RC3H1: variants seen among roughly 807,000 people sequenced by gnomAD.
The protein encoded by RC3H1 is ring finger and CCCH-type domains 1.
RC3H1 carries 50 observed loss-of-function variants against 138.2 expected under a neutral mutation model. The ratio of observed to expected loss-of-function variants is 0.36; its 90% CI spans 0.29 to 0.46. The LOEUF is 0.46. Among genes scored for constraint, RC3H1 ranks in the 20% least tolerant of loss-of-function variants. The pLI, the probability that RC3H1 is intolerant of heterozygous loss-of-function variation, is 1.00. For missense variants in RC3H1, 1,031 were observed against 1,388.1 expected, an observed-to-expected ratio of 0.74 and a Z score of 4.09; for synonymous variants, 462 against 489.1, an observed-to-expected ratio of 0.94 and a Z score of 0.73.
chr1:173,982,689 T>C (rs1660873241), intron 5 of RC3H1, 38 bp downstream of exon 5: 2 of 1,507,212 alleles, frequency 1.3e-6, no homozygotes, highest in South Asian at 2.6e-5. Flanking sequence ...GAAAGAACAA[T>C]ATTTCCTTTC....
chr1:173,951,255 G>A (rs1659382571), intron 14 of RC3H1, among the ~76,000 whole-genome samples: 1 of 152,124 alleles, frequency 6.6e-6, no homozygotes, highest in African/African-American at 2.4e-5. Context: ...AACCTGGGAA[G>A]TGGAGGTTGT....
Position 173,992,805 on chromosome 1 carries a change from T to C in RC3H1, c.181A>G (p.Ile61Val). The change falls in exon 2 of 20, where the codon ATT (isoleucine) becomes GTT (valine). Residue 61 changes from isoleucine to valine, a missense_variant. Transcript: ENST00000367696. Reference protein sequence around the residue: ...PFDQTTINTDIELLPVNSALL... With the variant: ...PFDQTTINTDVELLPVNSALL... ...GCTGAGTTCACAGGGAGGAGCTCAA[T>C]GTCTGTATTGATAGTGGTCTGGTCA... 3 of 1,614,176 alleles carry C rather than the reference T, an allele frequency of 1.9e-6. No individual in the cohort carries two copies. Among genetic ancestry groups the C allele is most frequent in the South Asian group, 1.1e-5 (1 of 91,082 alleles).
intron 4 of RC3H1, chr1:173,983,128 A>C: frequency 2.1e-6 from 1 of 477,804 alleles, no homozygotes. Context: ...TTTAAGAAAA[A>C]CTTCTATCAA....
At chr1:173,942,428 C>CA (rs60694243) in intron 18 of RC3H1, among the ~76,000 whole-genome samples, 3,873 of 37,976 alleles carry the variant, frequency 0.1, 481 homozygotes, top group East Asian at 0.17. Flanking sequence ...GACTCAGTCT[C>CA]AAAAAAAAAA....
At position 173,938,645 on chromosome 1, in the gene RC3H1, G is replaced by A; in HGVS notation, c.*76C>T. 8.9e-7 allele frequency: 1 copy of A among 1,121,468 alleles called. No individual in the cohort carries two copies. 69.5% of individuals were successfully genotyped at this position (1,121,468 alleles called of 1,614,324 possible). A position where few individuals can be genotyped will look rare whatever the true frequency, so the allele number is the denominator to read the frequency against. On this transcript the variant is annotated 3_prime_UTR_variant, in exon 20 of 20. Coordinates refer to ENST00000367696, the MANE Select transcript of RC3H1 (RefSeq NM_172071.4). ...GACCGCTCTTAAGAGAAAAAGTTTA[G>A]AAGTTATGCGTTCTCCTACCCCTAT...
chr1:173,983,739 G>A, intron 3 of RC3H1, 82 bp from the exon 4 acceptor site: 1 of 1,435,692 alleles, frequency 7.0e-7, no homozygotes, highest in Non-Finnish European at 9.6e-7. Flanking sequence ...GGGTTAACTT[G>A]TGGGTATGTG....
chr1:173,940,617 T>A (rs1239344290), intron 19 of RC3H1, among the ~76,000 whole-genome samples: 1 of 150,102 alleles, frequency 6.7e-6, no homozygotes, highest in Non-Finnish European at 1.5e-5. Flanking sequence ...ATATTTAAGA[T>A]GGGGGAGTGA....
intron 2 of RC3H1, among the ~76,000 whole-genome samples, chr1:173,987,211 C>T (rs1661062924): frequency 6.6e-6 from 1 of 152,198 alleles, no homozygotes; most frequent in Non-Finnish European, 1.5e-5. Flanking sequence ...GAAGGAGTCA[C>T]TATGCGTAGC....
chr1:174,003,263 T>TGTAATCCCAGCTACTC (rs1203172325), intron 1 of RC3H1, among the ~76,000 whole-genome samples: 6 of 152,084 alleles, frequency 3.9e-5, no homozygotes, highest in African/African-American at 1.4e-4. Flanking sequence ...GGTGGGCGCT[T>TGTAATCCCAGCTACTC]GTAATCCCAG....
At chr1:173,957,034 C>A (rs1204213045) in intron 13 of RC3H1, among the ~76,000 whole-genome samples, 1 of 152,106 alleles carries the variant, frequency 6.6e-6, no homozygotes, top group South Asian at 2.1e-4. Flanking sequence ...CTGCCTCAGT[C>A]TCCCGAGTAG....
At chr1:173,973,887 T>C (rs1199061649) in intron 7 of RC3H1, among the ~76,000 whole-genome samples, 2 of 152,096 alleles carry the variant, frequency 1.3e-5, no homozygotes, top group Non-Finnish European at 2.9e-5. Context: ...AGTTGTTGGG[T>C]AAGCAATAGT....
At chr1:174,012,600 G>C (rs1188815002) in intron 1 of RC3H1, among the ~76,000 whole-genome samples, 3 of 151,930 alleles carry the variant, frequency 2.0e-5, no homozygotes, top group Non-Finnish European at 2.9e-5. Context: ...TGGCTAACAT[G>C]ATGAAACACT....
chr1:174,004,052 ATATT>A (rs964838802), intron 1 of RC3H1, among the ~76,000 whole-genome samples: 3 of 147,432 alleles, frequency 2.0e-5, no homozygotes, highest in African/African-American at 7.4e-5. Flanking sequence ...TATATATGAT[ATATT>A]ATTATATATC....
At chr1:173,961,011 A>T (rs1659848881) in intron 13 of RC3H1, 66 bp downstream of exon 13, 1 of 1,497,972 alleles carries the variant, frequency 6.7e-7, no homozygotes, top group South Asian at 1.2e-5. Context: ...GGAATAGGCA[A>T]AGATGACTTA....
At chr1:173,959,416 T>C (rs1659775977) in intron 13 of RC3H1, among the ~76,000 whole-genome samples, 1 of 152,154 alleles carries the variant, frequency 6.6e-6, no homozygotes, top group Non-Finnish European at 1.5e-5. Context: ...GTATGAAGTA[T>C]AAAGAAAATC....
rs1469004350 is a variant in RC3H1 at position 173,937,044 on chromosome 1, G to A, written c.*1677C>T. 6.6e-6 allele frequency: 1 copy of A among 151,414 alleles called. No homozygotes were observed. The highest frequency in any genetic ancestry group is 1.5e-5 in the Non-Finnish European group (1 of 67,868). The allele number at this position is 151,414 out of a possible 1,614,324, so 9.4% of individuals were successfully genotyped here. On this transcript the variant is annotated 3_prime_UTR_variant, in exon 20 of 20. Coordinates refer to ENST00000367696, the MANE Select transcript of RC3H1 (RefSeq NM_172071.4). The stretch of plus-strand genomic sequence containing the variant: ...ATCAAATCCTTGACCAGCCAGGTCT[G>A]TAGGGCATAATCAAATTCAATGTGA...
At chr1:173,990,598 A>G (rs1661240221) in intron 2 of RC3H1, among the ~76,000 whole-genome samples, 1 of 148,532 alleles carries the variant, frequency 6.7e-6, no homozygotes, top group African/African-American at 2.5e-5. Context: ...TTTGAGACAG[A>G]GTGTCACTCT....
At chr1:173,940,084 C>G (rs989486386) in intron 19 of RC3H1, among the ~76,000 whole-genome samples, 4 of 152,120 alleles carry the variant, frequency 2.6e-5, no homozygotes, top group Admixed American at 6.6e-5. Context: ...CAGAATAATA[C>G]TGGATGATAT....
In RC3H1 at chr1:173,965,048, C is replaced by G; in HGVS notation, c.1407G>C (p.Val469=). The change falls in exon 10 of 20, where the codon GTG becomes GTC. Residue 469 remains valine, a synonymous_variant. Transcript: ENST00000367696. ...LSASLGQLNE[V]GLPSAAILPD... is the part of the protein sequence containing the mutation. ...GAAGGATAGCTGCTGAAGGCAGGCC[C>G]ACCTCATTAAGTTGACCCAAAGAGG... 6.2e-7 allele frequency: 1 copy of G among 1,614,150 alleles called. No homozygotes were observed. Among genetic ancestry groups the G allele is most frequent in the Non-Finnish European group, 8.5e-7 (1 of 1,180,018 alleles).
Sources: gnomAD v4.1 joint callset for allele counts (sites outside exome capture counted in the v4.1 genomes callset) on GRCh38, gnomAD v4.1.1 for gene constraint, MANE v1.5 for transcripts, NCBI Gene and HGNC (gene_info 2026-07-23, HGNC 2026-07-21) for gene names.